KCNT2: variants seen among roughly 807,000 people sequenced by gnomAD.
The protein encoded by KCNT2 is potassium sodium-activated channel subfamily T member 2, also known as potassium channel subfamily T member 2.
KCNT2 carries 67 observed loss-of-function variants against 153.8 expected under a neutral mutation model. The ratio of observed to expected loss-of-function variants is 0.44; its 90% CI spans 0.36 to 0.53. KCNT2 has a LOEUF of 0.53. Among genes scored for constraint, KCNT2 ranks in the 20% least tolerant of loss-of-function variants. The pLI is 0.00. For missense variants in KCNT2, 975 were observed against 1,354.8 expected, an observed-to-expected ratio of 0.72 and a Z score of 4.40; for synonymous variants, 500 against 458.8, an observed-to-expected ratio of 1.09 and a Z score of -1.15.
intron 1 of KCNT2, among the ~76,000 whole-genome samples, chr1:196,542,523 C>T (rs1338256412): frequency 6.6e-6 from 1 of 152,120 alleles, no homozygotes; most frequent in Non-Finnish European, 1.5e-5. Context: ...GGACAACTTT[C>T]TACAGTACAC....
intron 8 of KCNT2, among the ~76,000 whole-genome samples, chr1:196,457,952 T>C (rs1676822788): frequency 6.6e-6 from 1 of 151,790 alleles, no homozygotes; most frequent in Non-Finnish European, 1.5e-5. Context: ...AAGATAAGGC[T>C]CTGGGAAGAG....
At chr1:196,478,320 G>T (rs1350751829) in intron 5 of KCNT2, among the ~76,000 whole-genome samples, 1 of 152,138 alleles carries the variant, frequency 6.6e-6, no homozygotes, top group Non-Finnish European at 1.5e-5. Flanking sequence ...GACCTGAGCT[G>T]CATAGAGATT....
At chr1:196,593,834 T>C (rs1275362562) in intron 1 of KCNT2, among the ~76,000 whole-genome samples, 3 of 152,154 alleles carry the variant, frequency 2.0e-5, no homozygotes, top group Admixed American at 6.6e-5. Flanking sequence ...ACACGTTGTT[T>C]AGATAATGGT....
chr1:196,538,333 C>T (rs1655884597), intron 1 of KCNT2, among the ~76,000 whole-genome samples: 1 of 152,018 alleles, frequency 6.6e-6, no homozygotes, highest in Non-Finnish European at 1.5e-5. Context: ...AAAGGCTCAC[C>T]CAGCTGGGGA....
At chr1:196,518,057 G>A (rs1652845792) in intron 1 of KCNT2, among the ~76,000 whole-genome samples, 1 of 152,192 alleles carries the variant, frequency 6.6e-6, no homozygotes, top group Non-Finnish European at 1.5e-5. Flanking sequence ...GAGGCTAACA[G>A]TGGACCTCTC....
At chr1:196,326,122 C>T (rs927756622) in intron 19 of KCNT2, among the ~76,000 whole-genome samples, 1 of 152,032 alleles carries the variant, frequency 6.6e-6, no homozygotes, top group Admixed American at 6.6e-5. Flanking sequence ...TTCAGTGACC[C>T]ATATTTATAT....
At chr1:196,464,802 GA>G (rs1677465994) in intron 8 of KCNT2, among the ~76,000 whole-genome samples, 1 of 151,922 alleles carries the variant, frequency 6.6e-6, no homozygotes, top group Non-Finnish European at 1.5e-5. Context: ...TTTTTATAAT[GA>G]AGTGCCAGGT....
intron 1 of KCNT2, among the ~76,000 whole-genome samples, chr1:196,518,133 A>G (rs1300699094): frequency 1.3e-5 from 2 of 152,154 alleles, no homozygotes; most frequent in African/African-American, 4.8e-5. Context: ...GAAATAAAAA[A>G]TCTTCAATCA....
At chr1:196,331,952 T>C (rs964761184) in intron 17 of KCNT2, among the ~76,000 whole-genome samples, 2 of 152,140 alleles carry the variant, frequency 1.3e-5, no homozygotes, top group African/African-American at 4.8e-5. Context: ...CAACAGCATA[T>C]TTCGGCTATA....
chr1:196,492,846 A>T (rs866724978), intron 1 of KCNT2, among the ~76,000 whole-genome samples: 1 of 152,120 alleles, frequency 6.6e-6, no homozygotes, highest in Admixed American at 6.5e-5. Flanking sequence ...CTACACCTAT[A>T]GCCTATTTAG....
intron 13 of KCNT2, among the ~76,000 whole-genome samples, chr1:196,374,027 C>T (rs981171262): frequency 1.5e-4 from 23 of 151,782 alleles, no homozygotes; most frequent in Non-Finnish European, 1.5e-5. Flanking sequence ...GGAATGAGGG[C>T]TCAGATGCCA....
chr1:196,454,938 C>T (rs1316010290), intron 8 of KCNT2, among the ~76,000 whole-genome samples: 1 of 151,992 alleles, frequency 6.6e-6, no homozygotes, highest in East Asian at 1.9e-4. Flanking sequence ...CAAGTCCACT[C>T]ATGTTGTATG....
At chr1:196,364,857 T>G (rs1667907554) in intron 14 of KCNT2, among the ~76,000 whole-genome samples, 1 of 152,116 alleles carries the variant, frequency 6.6e-6, no homozygotes. Flanking sequence ...ACTTTCCCAA[T>G]AAGTTAATGA....
intron 12 of KCNT2, among the ~76,000 whole-genome samples, chr1:196,405,987 TG>T (rs1671801073): frequency 6.6e-6 from 1 of 151,552 alleles, no homozygotes; most frequent in Non-Finnish European, 1.5e-5. Context: ...AATGTATTGT[TG>T]TATAAACAAT....
intron 9 of KCNT2, among the ~76,000 whole-genome samples, chr1:196,429,354 G>T (rs1203710505): frequency 6.6e-6 from 1 of 151,862 alleles, no homozygotes; most frequent in Non-Finnish European, 1.5e-5. Context: ...TAAGATGAGT[G>T]CTGTCAGTCA....
At chr1:196,298,451 G>A (rs1660876254) in intron 22 of KCNT2, among the ~76,000 whole-genome samples, 2 of 152,070 alleles carry the variant, frequency 1.3e-5, no homozygotes, top group South Asian at 2.1e-4. Context: ...GAATATAAAT[G>A]AACAGTAGAT....
intron 13 of KCNT2, among the ~76,000 whole-genome samples, chr1:196,384,775 T>TA (rs1265898328): frequency 2.6e-5 from 4 of 151,158 alleles, no homozygotes; most frequent in Admixed American, 1.3e-4. Flanking sequence ...CAAAATTATT[T>TA]AAAAAAATAA....
chr1:196,297,315 T>C (rs1284116636), intron 22 of KCNT2, among the ~76,000 whole-genome samples: 1 of 152,152 alleles, frequency 6.6e-6, no homozygotes, highest in Admixed American at 6.5e-5. Flanking sequence ...TCATTACTTT[T>C]CTGCATTTAA....
At chr1:196,442,462 G>T (rs747774623) in intron 8 of KCNT2, among the ~76,000 whole-genome samples, 8 of 151,754 alleles carry the variant, frequency 5.3e-5, no homozygotes, top group Non-Finnish European at 7.4e-5. Flanking sequence ...AGAGTTTAGT[G>T]GAAGAGATAG....
Sources: allele counts gnomAD v4.1 joint callset (sites outside exome capture counted in the v4.1 genomes callset), GRCh38; gene constraint gnomAD v4.1.1; transcripts MANE v1.5; gene names NCBI Gene and HGNC (gene_info 2026-07-23, HGNC 2026-07-21).